The following PHF19 variants were observed in gnomAD, a reference collection of about 807,000 sequenced individuals.
PHF19 encodes the protein polycomb like 3.
A neutral mutation model predicts 79.8 loss-of-function variants in PHF19; 21 were observed. The observed-to-expected ratio is 0.26, with a 90% confidence interval of 0.19 to 0.38. The LOEUF (loss-of-function observed/expected upper bound fraction) is 0.38, where lower values mean the gene tolerates loss of function less well. Among genes scored for constraint, PHF19 ranks in the 10% least tolerant of loss-of-function variants. PHF19 has a pLI of 1.00. For missense variants in PHF19, 445 were observed against 744.2 expected, an observed-to-expected ratio of 0.60 and a Z score of 4.68; for synonymous variants, 273 against 296.3, an observed-to-expected ratio of 0.92 and a Z score of 0.81.
At position 120,874,570 on chromosome 9, in the gene PHF19, C is replaced by T. The variant is rs2045992578; in HGVS notation, c.172G>A (p.Gly58Arg). Residue 58 changes from glycine to arginine, a missense_variant, in exon 2 of 15, where the codon GGG (glycine) becomes AGG (arginine). Gly to Arg is a moderately radical substitution (Grantham distance 125). Around this residue, in one of 5 missense-constraint regions of PHF19, gnomAD observed 167 missense variants for 375.8 expected, o/e 0.44. Transcript: ENST00000373896. This position sits in a 1 kb window ranked among gnomAD's most constrained non-coding sequence, Gnocchi z 4.5. ...CRWTDGLYYLGKIKRVSSSKQ... is the reference protein window; with the variant it reads ...CRWTDGLYYLRKIKRVSSSKQ... ...GATGGGTTTACCCTCTTGATCTTCC[C>T]GAGGTAGTACAGGCCATCTGTCCAC... 2.5e-6 allele frequency: 4 copies of T among 1,609,454 alleles called. No homozygotes were observed. The highest frequency in any genetic ancestry group is 3.4e-6 in the Non-Finnish European group (4 of 1,175,804).
rs2045576338 is a variant in PHF19, at chr9:120,862,893, C to A, written c.969-144G>T. 2 of 735,192 alleles carry A rather than the reference C, an allele frequency of 2.7e-6. No homozygotes were observed. Among genetic ancestry groups the A allele is most frequent in the Admixed American group, 2.4e-5 (1 of 42,034 alleles). 45.5% of individuals were successfully genotyped at this position (735,192 alleles called of 1,614,324 possible). On this transcript the variant is annotated intron_variant, in intron 10 of 14. Transcript: ENST00000373896. This position sits in a 1 kb window ranked among gnomAD's most constrained non-coding sequence, Gnocchi z 4.6. ...TGGTCTCTGCAGATGCTGACTTCCTCAAAGCCCATGGGATGCGGGGTTCCA... is the reference window on the plus strand; with the variant it reads ...TGGTCTCTGCAGATGCTGACTTCCTAAAAGCCCATGGGATGCGGGGTTCCA...
intron 14 of PHF19, among the ~76,000 whole-genome samples, chr9:120,858,820 C>CAG (rs2045426246): frequency 7.1e-6 from 1 of 141,032 alleles, no homozygotes; most frequent in Admixed American, 7.0e-5. Flanking sequence ...ATCACACACA[C>CAG]ACACACACAC....
rs769262187 is a variant in PHF19, at chr9:120,870,555, C to T, written c.269-17G>A. The T allele has an allele frequency of 3.8e-5, 56 of 1,478,490 alleles. No homozygotes were observed. Among genetic ancestry groups the T allele is most frequent in the African/African-American group, 9.7e-5 (7 of 72,170 alleles). 91.6% of individuals were successfully genotyped at this position (1,478,490 alleles called of 1,614,324 possible). On this transcript the variant is annotated splice_polypyrimidine_tract_variant and intron_variant, in intron 3 of 14. Coordinates refer to ENST00000373896, the MANE Select transcript of PHF19 (RefSeq NM_015651.3). The surrounding 1 kb of genome is among the most constrained non-coding windows in gnomAD (Gnocchi z 4.4). The stretch of plus-strand genomic sequence containing the variant: ...GAACACCGGCTGAAAGAGAGGGCCT[C>T]GAGGGTCGGGTCCAGCTCACAGGAA...
At position 120,857,994 on chromosome 9, in the gene PHF19, C is replaced by G. The variant is rs899541364; in HGVS notation, c.1693G>C (p.Glu565Gln). ...YQVLARRVTP[E>Q]GKVQYLVEWE... ...TCCACCAGGTACTGAACCTTGCCCTCAGGTGTGACCCTCCGAGCCAACACC... is the reference window on the plus strand; with the variant it reads ...TCCACCAGGTACTGAACCTTGCCCTGAGGTGTGACCCTCCGAGCCAACACC... Residue 565 changes from glutamate to glutamine, a missense_variant, in exon 15 of 15, where the codon GAG (glutamate) becomes CAG (glutamine). Physicochemically the swap from Glu to Gln is conservative, Grantham distance 29. Coordinates refer to ENST00000373896, the MANE Select transcript of PHF19 (RefSeq NM_015651.3). 1.1e-5 allele frequency: 17 copies of G among 1,613,764 alleles called. No individual in the cohort carries two copies. Among genetic ancestry groups the G allele is most frequent in the Non-Finnish European group, 1.4e-5 (17 of 1,179,764 alleles).
chr9:120,900,853 A>G, the PHF19 span, among the ~76,000 whole-genome samples: 2 of 152,212 alleles, frequency 1.3e-5, no homozygotes, highest in Non-Finnish European at 2.9e-5. Context: ...AGCGTGAGCC[A>G]TTGTGCTTGG....
At chr9:120,889,470 CTCATGCCTGTAAT>C (rs896645893) in intron 1 of PHF19, among the ~76,000 whole-genome samples, 3 of 146,738 alleles carry the variant, frequency 2.0e-5, no homozygotes, top group African/African-American at 7.5e-5. Flanking sequence ...GGCGCAGTGA[CTCATGCCTGTAAT>C]TCCAGCACAG....
At chr9:120,893,102 C>T (rs1166444659) in intron 1 of PHF19, among the ~76,000 whole-genome samples, 1 of 152,208 alleles carries the variant, frequency 6.6e-6, no homozygotes, top group Non-Finnish European at 1.5e-5. Context: ...TGTAAAGTGC[C>T]TAGCATGTAA....
At chr9:120,876,801 C>T (rs1300208709) in intron 1 of PHF19, among the ~76,000 whole-genome samples, 2 of 152,218 alleles carry the variant, frequency 1.3e-5, no homozygotes, top group Non-Finnish European at 2.9e-5. Flanking sequence ...GAGCGAAATG[C>T]CAAACGCCCG....
In PHF19 at chr9:120,862,017, G is replaced by C; in HGVS notation, c.1131-12C>G. 1 of 1,603,348 alleles carries C rather than the reference G, an allele frequency of 6.2e-7. No individual in the cohort carries two copies. ...CGTGAGGCAACAAACTGTGGAGACAGAAGAGGGAGAAGGTGGCCCCGTCAG... is the reference window on the plus strand; with the variant it reads ...CGTGAGGCAACAAACTGTGGAGACACAAGAGGGAGAAGGTGGCCCCGTCAG... On this transcript the variant is annotated splice_polypyrimidine_tract_variant and intron_variant, in intron 11 of 14. Coordinates refer to ENST00000373896, the MANE Select transcript of PHF19 (RefSeq NM_015651.3). This position sits in a 1 kb window ranked among gnomAD's most constrained non-coding sequence, Gnocchi z 4.6.
intron 1 of PHF19, among the ~76,000 whole-genome samples, chr9:120,875,260 T>C (rs1274986038): frequency 6.6e-6 from 1 of 152,228 alleles, no homozygotes; most frequent in African/African-American, 2.4e-5. Flanking sequence ...TTGTAGCTAG[T>C]GTAGACTGGG....
intron 3 of PHF19, among the ~76,000 whole-genome samples, chr9:120,871,134 C>T (rs569811716): frequency 1.3e-5 from 2 of 152,330 alleles, no homozygotes; most frequent in African/African-American, 4.8e-5. Context: ...AACTCCTGAC[C>T]TCAAGTGATC....
At position 120,860,917 on chromosome 9, in the gene PHF19, G is replaced by T; in HGVS notation, c.1304+172C>A. 1.7e-6 allele frequency: 1 copy of T among 592,708 alleles called. No individual in the cohort carries two copies. 36.7% of individuals were successfully genotyped at this position (592,708 alleles called of 1,614,324 possible). On this transcript the variant is annotated intron_variant, in intron 13 of 14. Coordinates refer to ENST00000373896, the MANE Select transcript of PHF19 (RefSeq NM_015651.3). The surrounding 1 kb of genome is among the most constrained non-coding windows in gnomAD (Gnocchi z 4.1). Reference sequence around the variant, plus strand: ...CAAGGTGGGGAGGGCTGGAGAAGAGGGGAGGGCTGTGGTGCTCTGGGAACA... The same window carrying T: ...CAAGGTGGGGAGGGCTGGAGAAGAGTGGAGGGCTGTGGTGCTCTGGGAACA...
intron 1 of PHF19, among the ~76,000 whole-genome samples, chr9:120,883,872 T>C (rs1055757688): frequency 6.6e-6 from 1 of 151,668 alleles, no homozygotes; most frequent in African/African-American, 2.4e-5. Flanking sequence ...CAAGGAGTGA[T>C]CAGGACAAGG....
chr9:120,887,643 C>A (rs1564517972), intron 1 of PHF19, among the ~76,000 whole-genome samples: 1 of 60,166 alleles, frequency 1.7e-5, no homozygotes, highest in Admixed American at 2.2e-4. Flanking sequence ...CACACACACA[C>A]ACACACACAG....
Position 120,870,617 on chromosome 9 carries a change from C to G in PHF19, c.269-79G>C, listed in dbSNP as rs1266820801. On this transcript the variant is annotated intron_variant, in intron 3 of 14. Transcript: ENST00000373896. This position sits in a 1 kb window ranked among gnomAD's most constrained non-coding sequence, Gnocchi z 4.4. Reference sequence around the variant, plus strand: ...TACTCACATTCCAGATGCCCAGCCTCTAATGTCTGCTAGGCCTAGCGCTGG... The same window carrying G: ...TACTCACATTCCAGATGCCCAGCCTGTAATGTCTGCTAGGCCTAGCGCTGG... 11 of 851,176 alleles carry G rather than the reference C, an allele frequency of 1.3e-5. No homozygotes were observed. Among genetic ancestry groups the G allele is most frequent in the Admixed American group, 1.0e-4 (6 of 57,584 alleles). The allele number at this position is 851,176 out of a possible 1,614,324, so 52.7% of individuals were successfully genotyped here. A position where few individuals can be genotyped will look rare whatever the true frequency, so the allele number is the denominator to read the frequency against.
chr9:120,862,855 G>A lies in PHF19; in HGVS notation c.969-106C>T. 9.3e-7 allele frequency: 1 copy of A among 1,070,478 alleles called. No individual in the cohort carries two copies. Among genetic ancestry groups the A allele is most frequent in the Non-Finnish European group, 1.4e-6 (1 of 709,734 alleles). 66.3% of individuals were successfully genotyped at this position (1,070,478 alleles called of 1,614,324 possible). On this transcript the variant is annotated intron_variant, in intron 10 of 14. Transcript: ENST00000373896. The surrounding 1 kb of genome is among the most constrained non-coding windows in gnomAD (Gnocchi z 4.6). ...GCCTCTCTGCCTCCTTGGACCCAGA[G>A]CTAAAATCCGGATGGTCTCTGCAGA...
intron 1 of PHF19, among the ~76,000 whole-genome samples, chr9:120,875,622 T>C (rs1357532615): frequency 1.3e-5 from 2 of 152,210 alleles, no homozygotes; most frequent in Non-Finnish European, 2.9e-5. Flanking sequence ...GCCTCATCTT[T>C]TGCTTGGGCC....
At chr9:120,878,495 T>C (rs561665264), upstream of PHF19, among the ~76,000 whole-genome samples, 204 of 152,276 alleles carry the variant, frequency 1.3e-3, 1 homozygote, top group South Asian at 0.023. Flanking sequence ...TGTGCTTTCA[T>C]GGGTGTGGCC....
Position 120,869,504 on chromosome 9 carries a change from T to C in PHF19, c.466-174A>G. ...ATTAATTCCAAACCCATCCCCTCTA[T>C]CCCAGAAGGAACTCCGTTGATAACA... is the stretch of plus-strand genomic sequence containing the variant. On this transcript the variant is annotated intron_variant, in intron 5 of 14. Coordinates refer to ENST00000373896, the MANE Select transcript of PHF19 (RefSeq NM_015651.3). This position sits in a 1 kb window ranked among gnomAD's most constrained non-coding sequence, Gnocchi z 5.8. 2.2e-6 allele frequency: 3 copies of C among 1,358,776 alleles called. No individual in the cohort carries two copies. In the South Asian group the frequency reaches 4.6e-5, roughly 21 times the overall value. The allele number at this position is 1,358,776 out of a possible 1,614,324, so 84.2% of individuals were successfully genotyped here. A position where few individuals can be genotyped will look rare whatever the true frequency, so the allele number is the denominator to read the frequency against.
Sources: allele counts gnomAD v4.1 joint callset (sites outside exome capture counted in the v4.1 genomes callset), GRCh38; gene constraint gnomAD v4.1.1; regional missense constraint gnomAD v4.1.1; non-coding constraint Gnocchi (gnomAD v3.1); transcripts MANE v1.5; gene names NCBI Gene and HGNC (gene_info 2026-07-23, HGNC 2026-07-21).